FAM184A: variants seen among roughly 807,000 people sequenced by gnomAD.
FAM184A encodes protein FAM184A.
Under a neutral mutation model 143.8 loss-of-function variants are expected in FAM184A, and 99 were observed. That is an observed-to-expected ratio of 0.69 (90% CI 0.58 to 0.81). The LOEUF (loss-of-function observed/expected upper bound fraction) is 0.81, where lower values mean the gene tolerates loss of function less well. Ranked by LOEUF, FAM184A falls within the 40% of genes least tolerant of loss-of-function variation. FAM184A has a pLI of 0.00. For synonymous variants in FAM184A, 427 were observed against 446.4 expected (o/e 0.96, Z 0.55); for missense variants, 1,217 against 1,310.5 (o/e 0.93, Z 1.10).
intron 7 of FAM184A, among the ~76,000 whole-genome samples, chr6:119,004,697 A>G (rs1034527363): frequency 6.6e-6 from 1 of 152,260 alleles, no homozygotes; most frequent in African/African-American, 2.4e-5. Context: ...GTGGTAAACC[A>G]GGATGCAGCA....
chr6:118,997,124 G>A (rs2114626253), intron 9 of FAM184A, among the ~76,000 whole-genome samples: 1 of 151,888 alleles, frequency 6.6e-6, no homozygotes, highest in East Asian at 2.0e-4. Flanking sequence ...GGTATGGCTG[G>A]GCGTGGTGGC....
intron 9 of FAM184A, among the ~76,000 whole-genome samples, chr6:118,986,645 A>C (rs973744479): frequency 3.9e-5 from 6 of 152,212 alleles, no homozygotes; most frequent in Non-Finnish European, 5.9e-5. Context: ...CTTTCATTCT[A>C]GTTATTAATA....
At chr6:118,971,084 T>C (rs1783682530) in intron 14 of FAM184A, among the ~76,000 whole-genome samples, 1 of 152,230 alleles carries the variant, frequency 6.6e-6, no homozygotes, top group African/African-American at 2.4e-5. Flanking sequence ...ATATCATCAT[T>C]TTCTAAACTC....
At position 119,017,900 on chromosome 6, in the gene FAM184A, A is replaced by T. The variant is rs143333151; in HGVS notation, c.1333-956T>A. Among the ~76,000 whole-genome samples the T allele has an allele frequency of 5.5e-3, 829 of 151,784 alleles. 7 individuals are homozygous for T. Among genetic ancestry groups the T allele is most frequent in the Middle Eastern group, 0.01 (3 of 294 alleles). On this transcript the variant is annotated intron_variant, in intron 4 of 17. Transcript: ENST00000338891. ...ATCTGGTTGTTTAAAGGAGCCTGGC[A>T]CCTCCTTCCTCTCTCTCGCTCTCTC... is the stretch of plus-strand genomic sequence containing the variant.
intron 1 of FAM184A, among the ~76,000 whole-genome samples, chr6:119,139,663 C>A (rs1012301385): frequency 5.2e-5 from 7 of 135,848 alleles, no homozygotes; most frequent in Non-Finnish European, 9.5e-5. Flanking sequence ...AAAAAAAAAA[C>A]CACTGGGGAT....
intron 1 of FAM184A, among the ~76,000 whole-genome samples, chr6:119,093,291 C>A (rs1200973382): frequency 6.6e-6 from 1 of 152,092 alleles, no homozygotes; most frequent in Non-Finnish European, 1.5e-5. Context: ...TTTAAATAGA[C>A]AACTGTGGCA....
At chr6:119,053,038 G>A (rs1465035206) in intron 1 of FAM184A, among the ~76,000 whole-genome samples, 2 of 152,168 alleles carry the variant, frequency 1.3e-5, no homozygotes, top group Non-Finnish European at 2.9e-5. Flanking sequence ...GATGAGATTT[G>A]ATTAAAGAAC....
chr6:119,015,588 G>A (rs950166559), intron 5 of FAM184A, among the ~76,000 whole-genome samples: 7 of 152,216 alleles, frequency 4.6e-5, no homozygotes, highest in Non-Finnish European at 7.4e-5. Flanking sequence ...ACTGCAGCCC[G>A]CCATGCCTGA....
At chr6:119,056,157 T>G (rs1190471914) in intron 1 of FAM184A, among the ~76,000 whole-genome samples, 1 of 152,194 alleles carries the variant, frequency 6.6e-6, no homozygotes, top group Admixed American at 6.5e-5. Context: ...AAAAGATATT[T>G]CAAAGAAAGA....
At chr6:119,082,855 A>G (rs961690718), upstream of FAM184A, among the ~76,000 whole-genome samples, 1 of 152,130 alleles carries the variant, frequency 6.6e-6, no homozygotes, top group African/African-American at 2.4e-5. Flanking sequence ...TTCTCACAGC[A>G]CCACTAGGCA....
intron 1 of FAM184A, among the ~76,000 whole-genome samples, chr6:119,039,237 G>A (rs956120292): frequency 2.6e-5 from 4 of 152,238 alleles, no homozygotes; most frequent in South Asian, 4.2e-4. Context: ...ATAGTTGAGC[G>A]GTTTCTTATA....
At chr6:119,112,493 G>C (rs1439460141) in intron 1 of FAM184A, among the ~76,000 whole-genome samples, 2 of 152,142 alleles carry the variant, frequency 1.3e-5, no homozygotes, top group Non-Finnish European at 2.9e-5. Context: ...AAACCGTTTA[G>C]AAAACTCTTG....
rs369405567 is a variant in FAM184A, at chr6:118,976,894, A to T, written c.2456-850T>A. ...CTATCAGAAAGGATGAAATATAATG[A>T]CAACATCAAATGTTGGTGAGGATGT... is the stretch of plus-strand genomic sequence containing the variant. On this transcript the variant is annotated intron_variant, in intron 11 of 17. Coordinates refer to ENST00000338891, the MANE Select transcript of FAM184A (RefSeq NM_024581.6). Among the ~76,000 whole-genome samples, 3 of 152,276 alleles carry T rather than the reference A, an allele frequency of 2.0e-5. No homozygotes were observed. The South Asian group carries it at 6.2e-4, about 32-fold the overall frequency.
At chr6:118,970,170 A>C (rs1375050060) in intron 14 of FAM184A, among the ~76,000 whole-genome samples, 1 of 149,024 alleles carries the variant, frequency 6.7e-6, no homozygotes, top group Non-Finnish European at 1.5e-5. Context: ...CACTCGGCTA[A>C]TTTTTGTATT....
At chr6:118,972,716 T>A (rs1783732604) in intron 14 of FAM184A, among the ~76,000 whole-genome samples, 2 of 152,192 alleles carry the variant, frequency 1.3e-5, no homozygotes, top group Admixed American at 6.5e-5. Flanking sequence ...CTTTACTCTT[T>A]GTAAATTAAC....
At chr6:119,082,114 T>A (rs1788087622), upstream of FAM184A, among the ~76,000 whole-genome samples, 1 of 152,192 alleles carries the variant, frequency 6.6e-6, no homozygotes, top group African/African-American at 2.4e-5. Context: ...GGCATAGGCC[T>A]GGGGGTGTAG....
At chr6:119,135,979 G>C (rs189173766) in intron 1 of FAM184A, among the ~76,000 whole-genome samples, 3 of 150,672 alleles carry the variant, frequency 2.0e-5, no homozygotes, top group Non-Finnish European at 4.4e-5. Flanking sequence ...AAAAAAAAAA[G>C]CAGAAAGAAT....
intron 1 of FAM184A, among the ~76,000 whole-genome samples, chr6:119,132,029 T>C (rs1789546895): frequency 6.6e-6 from 1 of 152,196 alleles, no homozygotes; most frequent in African/African-American, 2.4e-5. Flanking sequence ...ATGAATAAAA[T>C]TCCATTTCTA....
chr6:119,081,438 A>G (rs1713513298), upstream of FAM184A, among the ~76,000 whole-genome samples: 1 of 152,142 alleles, frequency 6.6e-6, no homozygotes, highest in Non-Finnish European at 1.5e-5. Flanking sequence ...ACCCCAAAGC[A>G]GTGTCTAGGG....
Sources: gnomAD v4.1 joint callset for allele counts (sites outside exome capture counted in the v4.1 genomes callset) on GRCh38, gnomAD v4.1.1 for gene constraint, MANE v1.5 for transcripts, NCBI Gene and HGNC (gene_info 2026-07-23, HGNC 2026-07-21) for gene names.